FBXL7: variants seen among roughly 807,000 people sequenced by gnomAD.
FBXL7 encodes F-box and leucine rich repeat protein 7, also known as F-box/LRR-repeat protein 7.
FBXL7 carries 12 observed loss-of-function variants against 38.3 expected under a neutral mutation model. That is an observed-to-expected ratio of 0.31 (90% CI 0.20 to 0.51). FBXL7 has a LOEUF of 0.51. FBXL7 is among the 20% of genes least tolerant of loss of function. The pLI is 0.98. For synonymous variants in FBXL7, 297 were observed against 300.9 expected (o/e 0.99, Z 0.13); for missense variants, 567 against 676.4 (o/e 0.84, Z 1.79).
At chr5:15,657,562 A>G (rs531454094) in intron 2 of FBXL7, among the ~76,000 whole-genome samples, 3 of 152,298 alleles carry the variant, frequency 2.0e-5, no homozygotes, top group Admixed American at 6.5e-5. Context: ...AGCCTGGCAC[A>G]GTGGCTCACT....
Position 15,525,216 on chromosome 5 carries a change from G to C in FBXL7, c.37+24503G>C, listed in dbSNP as rs531821410. 4.1e-4 allele frequency among the ~76,000 whole-genome samples: 63 copies of C among 152,284 alleles called. No homozygotes were observed. In the South Asian group the frequency reaches 0.013, roughly 31 times the overall value. On this transcript the variant is annotated intron_variant, in intron 1 of 3. Coordinates refer to ENST00000504595, the MANE Select transcript of FBXL7 (RefSeq NM_012304.5). ...TCCTGGCACCTCCTAAGTTTTACAA[G>C]TGTTAACAATTCTTTATTTTTATTC...
At chr5:15,625,680 A>G (rs905565865) in intron 2 of FBXL7, among the ~76,000 whole-genome samples, 7 of 152,118 alleles carry the variant, frequency 4.6e-5, no homozygotes, top group Non-Finnish European at 8.8e-5. Flanking sequence ...CAACCAGACA[A>G]ACAAACAAAA....
chr5:15,698,623 G>A (rs1450125216), intron 2 of FBXL7, among the ~76,000 whole-genome samples: 1 of 152,122 alleles, frequency 6.6e-6, no homozygotes, highest in Non-Finnish European at 1.5e-5. Flanking sequence ...AATTTAAAAA[G>A]AATTCTGTCT....
intron 1 of FBXL7, chr5:15,580,883 A>G: frequency 1.1e-6 from 1 of 926,384 alleles, no homozygotes; most frequent in Non-Finnish European, 1.3e-6. Flanking sequence ...GGGGCATGGA[A>G]GACAGAAGGT....
intron 2 of FBXL7, among the ~76,000 whole-genome samples, chr5:15,726,429 T>G (rs1181067319): frequency 6.6e-6 from 1 of 151,942 alleles, no homozygotes; most frequent in Non-Finnish European, 1.5e-5. Flanking sequence ...ACATCGCCCC[T>G]TAAAAAAATA....
At chr5:15,521,154 T>A (rs1343566725) in intron 1 of FBXL7, among the ~76,000 whole-genome samples, 1 of 152,230 alleles carries the variant, frequency 6.6e-6, no homozygotes, top group African/African-American at 2.4e-5. Flanking sequence ...AATTTTTGCA[T>A]CTGGAAAAGG....
At position 15,595,778 on chromosome 5, in the gene FBXL7, C is replaced by A. The variant is rs561989652; in HGVS notation, c.38-20205C>A. 1.1e-4 allele frequency among the ~76,000 whole-genome samples: 17 copies of A among 152,296 alleles called. 1 individual carries two copies. The South Asian group carries it at 3.5e-3, about 32-fold the overall frequency. On this transcript the variant is annotated intron_variant, in intron 1 of 3. Transcript: ENST00000504595. ...CATTGACTCCAGCATCTGGGCTTTT[C>A]ATCCAAGGCTACAGTAAAAATCTAA...
intron 2 of FBXL7, among the ~76,000 whole-genome samples, chr5:15,652,392 G>C (rs1340924860): frequency 6.6e-6 from 1 of 151,944 alleles, no homozygotes; most frequent in East Asian, 1.9e-4. Context: ...TCAGCCTCCC[G>C]AGTAGCTGGG....
intron 2 of FBXL7, among the ~76,000 whole-genome samples, chr5:15,874,557 A>T (rs570211997): frequency 2.0e-5 from 3 of 152,358 alleles, no homozygotes; most frequent in African/African-American, 7.2e-5. Flanking sequence ...CTGATAAGCA[A>T]CTTCAGCTAA....
chr5:15,930,299 A>T (rs1742005405), intron 3 of FBXL7, among the ~76,000 whole-genome samples: 1 of 152,200 alleles, frequency 6.6e-6, no homozygotes, highest in Non-Finnish European at 1.5e-5. Flanking sequence ...CTTTTTCTAG[A>T]TGTGTTTCCT....
intron 2 of FBXL7, among the ~76,000 whole-genome samples, chr5:15,899,788 A>G (rs1741191065): frequency 6.6e-6 from 1 of 152,226 alleles, no homozygotes; most frequent in Non-Finnish European, 1.5e-5. Context: ...CTTCCTGCAA[A>G]TAACTGAGAA....
chr5:15,617,312 C>G (rs1444714273), intron 2 of FBXL7, among the ~76,000 whole-genome samples: 3 of 152,084 alleles, frequency 2.0e-5, no homozygotes, highest in African/African-American at 7.2e-5. Context: ...TATGGAAGCA[C>G]CAGGTAGCAA....
At chr5:15,554,659 CA>C (rs1738179855) in intron 1 of FBXL7, among the ~76,000 whole-genome samples, 2 of 152,186 alleles carry the variant, frequency 1.3e-5, no homozygotes, top group Non-Finnish European at 1.5e-5. Flanking sequence ...CACCTGAGAA[CA>C]GGTGGGTCAG....
At chr5:15,786,755 C>G (rs895220328) in intron 2 of FBXL7, among the ~76,000 whole-genome samples, 1 of 152,148 alleles carries the variant, frequency 6.6e-6, no homozygotes, top group African/African-American at 2.4e-5. Context: ...AATGGACTTA[C>G]AGGTACGGGT....
At chr5:15,665,532 A>C (rs1742242448) in intron 2 of FBXL7, among the ~76,000 whole-genome samples, 1 of 152,208 alleles carries the variant, frequency 6.6e-6, no homozygotes, top group South Asian at 2.1e-4. Context: ...TCTCATCACC[A>C]AAGTGGGAAC....
rs530903107 is a variant in FBXL7 at position 15,729,298 on chromosome 5, A to G, written c.127+113226A>G. Among the ~76,000 whole-genome samples, 8 of 152,108 alleles carry G rather than the reference A, an allele frequency of 5.3e-5. 1 individual carries two copies. Among genetic ancestry groups the G allele is most frequent in the Non-Finnish European group, 4.4e-5 (3 of 67,976 alleles). ...GTTTCTGAATTGATTGTTCTGGATA[A>G]TTTAGCATTCCCTTTTTCTTTTGAC... On this transcript the variant is annotated intron_variant, in intron 2 of 3. Transcript: ENST00000504595.
At chr5:15,753,061 C>T (rs1204160651) in intron 2 of FBXL7, among the ~76,000 whole-genome samples, 1 of 152,168 alleles carries the variant, frequency 6.6e-6, no homozygotes, top group Admixed American at 6.5e-5. Flanking sequence ...CTTGGCTACT[C>T]TGTGGCAGGC....
At chr5:15,920,999 T>C (rs1741725833) in intron 2 of FBXL7, among the ~76,000 whole-genome samples, 2 of 152,354 alleles carry the variant, frequency 1.3e-5, no homozygotes, top group African/African-American at 4.8e-5. Context: ...ATGACACTTG[T>C]AGTGTGCTCC....
At chr5:15,915,355 G>A (rs1464016496) in intron 2 of FBXL7, among the ~76,000 whole-genome samples, 2 of 152,198 alleles carry the variant, frequency 1.3e-5, no homozygotes, top group East Asian at 1.9e-4. Flanking sequence ...GAGATGTGGA[G>A]TAGGATCCTT....
Sources: allele counts gnomAD v4.1 joint callset (sites outside exome capture counted in the v4.1 genomes callset), GRCh38; gene constraint gnomAD v4.1.1; transcripts MANE v1.5; gene names NCBI Gene and HGNC (gene_info 2026-07-23, HGNC 2026-07-21).